POLR1A: variants seen among roughly 807,000 people sequenced by gnomAD.
The protein encoded by POLR1A is DNA-directed RNA polymerase I subunit RPA1.
POLR1A carries 84 observed loss-of-function variants against 205.3 expected under a neutral mutation model. The observed-to-expected ratio is 0.41, with a 90% CI of 0.34 to 0.49. POLR1A has a LOEUF of 0.49. POLR1A is among the 20% of genes least tolerant of loss of function. POLR1A has a pLI of 0.22. For synonymous variants in POLR1A, 799 were observed against 863.7 expected, an observed-to-expected ratio of 0.93 and a Z score of 1.31; for missense variants, 1,645 against 2,204.5, an observed-to-expected ratio of 0.75 and a Z score of 5.08.
At position 86,033,680 on chromosome 2, in the gene POLR1A, C is replaced by T. The variant is rs779711736; in HGVS notation, c.4142G>A (p.Gly1381Glu). 2 of 1,613,750 alleles carry T rather than the reference C, an allele frequency of 1.2e-6. No individual in the cohort carries two copies. Among genetic ancestry groups the T allele is most frequent in the Non-Finnish European group, 1.7e-6 (2 of 1,179,996 alleles). ...RATQRDLDNA[G>E]ELGRSRGEQE... ...ACTCACCCGACTCCTCCCCAACTCC[C>T]CAGCGTTGTCCAGATCCCGCTGTGT... The change falls in exon 28 of 34, where the codon GGG (glycine) becomes GAG (glutamate). Residue 1381 changes from glycine to glutamate, a missense_variant. Physicochemically the swap from Gly to Glu is moderately conservative, Grantham distance 98. This residue lies in a region of POLR1A where 394 missense variants were observed against 468.5 expected (regional missense o/e 0.84). Coordinates refer to ENST00000263857, the MANE Select transcript of POLR1A (RefSeq NM_015425.6).
At chr2:86,091,696 G>C (rs1374107900) in intron 3 of POLR1A, among the ~76,000 whole-genome samples, 1 of 152,194 alleles carries the variant, frequency 6.6e-6, no homozygotes, top group Non-Finnish European at 1.5e-5. Context: ...GAAATTCCTA[G>C]AAACATGTAA....
rs567302655 is a variant in POLR1A at position 86,105,729 on chromosome 2, G to A, written c.48C>T (p.Ser16=). The A allele has an allele frequency of 7.6e-5, 123 of 1,613,964 alleles. No homozygotes were observed. Among genetic ancestry groups the A allele is most frequent in the Non-Finnish European group, 1.0e-4 (118 of 1,179,918 alleles). The change falls in exon 1 of 34, where the codon TCC becomes TCT. Residue 16 remains serine, a synonymous_variant. Transcript: ENST00000263857. The stretch of plus-strand genomic sequence containing the variant: ...GCTCTTCAGCCGAATACATCCCGAA[G>A]GAAATGCCCTGCAGCCGCCGCCAGG... ...NMPWRRLQGI[S]FGMYSAEELK... is the part of the protein sequence containing the mutation.
At chr2:86,057,843 T>C (rs912250125) in intron 14 of POLR1A, among the ~76,000 whole-genome samples, 1 of 152,224 alleles carries the variant, frequency 6.6e-6, no homozygotes, top group Non-Finnish European at 1.5e-5. Context: ...GTCATCTTTT[T>C]GGAGTGATGG....
intron 2 of POLR1A, 140 bp downstream of exon 2, chr2:86,099,828 A>T (rs1332299539): frequency 3.0e-6 from 2 of 668,688 alleles, no homozygotes; most frequent in Non-Finnish European, 5.2e-6. Flanking sequence ...TTGGCTCAAA[A>T]CTTCAAAATC....
intron 14 of POLR1A, among the ~76,000 whole-genome samples, chr2:86,061,559 G>C (rs1672997135): frequency 6.6e-6 from 1 of 152,180 alleles, no homozygotes; most frequent in African/African-American, 2.4e-5. Context: ...TTCAACAAAA[G>C]ATACACACGA....
At chr2:86,032,409 A>T (rs1320399411) in intron 28 of POLR1A, 27 bp from the exon 29 acceptor site, 1 of 1,486,096 alleles carries the variant, frequency 6.7e-7, no homozygotes, top group African/African-American at 1.4e-5. Flanking sequence ...AGGAAGAAAA[A>T]GATTAACTCC....
Position 86,026,106 on chromosome 2 carries a change from C to G in POLR1A, c.*1317G>C, listed in dbSNP as rs1672242480. ...GCTTCTGCATAAAGGCTTCTCCCCT[C>G]TGCTTCTCCTGGCCACAGGGCCAGC... On this transcript the variant is annotated 3_prime_UTR_variant, in exon 34 of 34. Transcript: ENST00000263857. 6.6e-6 allele frequency: 1 copy of G among 152,344 alleles called. No individual in the cohort carries two copies. Among genetic ancestry groups the G allele is most frequent in the African/African-American group, 2.4e-5 (1 of 41,468 alleles). 9.4% of individuals were successfully genotyped at this position (152,344 alleles called of 1,614,324 possible).
chr2:86,054,368 G>C, intron 14 of POLR1A, 79 bp from the exon 15 acceptor site: 1 of 1,495,932 alleles, frequency 6.7e-7, no homozygotes, highest in African/African-American at 1.4e-5. Flanking sequence ...GCAAAAAGAA[G>C]AGTTAAGAAC....
intron 14 of POLR1A, among the ~76,000 whole-genome samples, chr2:86,057,011 T>C (rs1297126593): frequency 6.6e-6 from 1 of 152,254 alleles, no homozygotes; most frequent in Non-Finnish European, 1.5e-5. Context: ...TTTCAAGCCT[T>C]ATTATTTAAG....
chr2:86,074,474 T>G (rs911445885), intron 12 of POLR1A, among the ~76,000 whole-genome samples: 1 of 152,208 alleles, frequency 6.6e-6, no homozygotes, highest in Non-Finnish European at 1.5e-5. Flanking sequence ...GCCACAGAGC[T>G]GTCACCTGCT....
intron 25 of POLR1A, 118 bp from the exon 26 acceptor site, chr2:86,039,580 A>C: frequency 2.9e-5 from 34 of 1,185,594 alleles, no homozygotes; most frequent in Non-Finnish European, 3.7e-5. Context: ...TGGGGATCTC[A>C]CAGGGATAAT....
rs779711736 is a variant in POLR1A at position 86,033,680 on chromosome 2, C to A, written c.4142G>T (p.Gly1381Val). Reference sequence around the variant, plus strand: ...ACTCACCCGACTCCTCCCCAACTCCCCAGCGTTGTCCAGATCCCGCTGTGT... The same window carrying A: ...ACTCACCCGACTCCTCCCCAACTCCACAGCGTTGTCCAGATCCCGCTGTGT... ...RATQRDLDNA[G>V]ELGRSRGEQE... Residue 1381 changes from glycine to valine, a missense_variant, in exon 28 of 34, where the codon GGG becomes GTG. Transcript: ENST00000263857. The A allele has an allele frequency of 7.4e-6, 12 of 1,613,750 alleles. No homozygotes were observed. In the South Asian group the frequency reaches 1.2e-4, roughly 16 times the overall value.
rs576892091 is a variant in POLR1A at position 86,078,263 on chromosome 2, T to C, written c.1108A>G (p.Ile370Val). 21 of 1,578,626 alleles carry C rather than the reference T, an allele frequency of 1.3e-5. No individual in the cohort carries two copies. Among genetic ancestry groups the C allele is most frequent in the African/African-American group, 2.7e-5 (2 of 72,840 alleles). The stretch of plus-strand genomic sequence containing the variant: ...AGTGTACTCAAAAAGGATCGGTCAA[T>C]AGCAATCAAAGAGTCTTTTTCCTGG... Reference protein sequence around the residue: ...TDEEKDSLIAIDRSFLSTLPG... With the variant: ...TDEEKDSLIAVDRSFLSTLPG... The change falls in exon 10 of 34, where the codon ATT becomes GTT. Residue 370 changes from isoleucine to valine, a missense_variant. Transcript: ENST00000263857.
Position 86,080,921 on chromosome 2 carries a change from G to A in POLR1A, c.981C>T (p.Asn327=). 1.2e-6 allele frequency: 2 copies of A among 1,614,104 alleles called. No homozygotes were observed. Among genetic ancestry groups the A allele is most frequent in the Non-Finnish European group, 1.7e-6 (2 of 1,179,944 alleles). ...CTACATCCTTCATGACAGCCTGCAAGTTCACCGTCTGGCCATTAGTAAACA... is the reference window on the plus strand; with the variant it reads ...CTACATCCTTCATGACAGCCTGCAAATTCACCGTCTGGCCATTAGTAAACA... ...DQMFTNGQTV[N]LQAVMKDVVL... The change falls in exon 9 of 34, where the codon AAC becomes AAT. Residue 327 remains asparagine, a synonymous_variant. Coordinates refer to ENST00000263857, the MANE Select transcript of POLR1A (RefSeq NM_015425.6).
rs1672825901 is a variant in POLR1A at position 86,052,734 on chromosome 2, GCT to G, written c.2392+81_2392+82del. ...GCCTTGGAAATCTTCAGTGTGGACG[GCT>G]CTCTCTGTCCTGGGCCTGGGAGATG... On this transcript the variant is annotated intron_variant, in intron 16 of 33. Transcript: ENST00000263857. 6.1e-6 allele frequency: 7 copies of G among 1,145,578 alleles called. No individual in the cohort carries two copies. The South Asian group carries it at 1.1e-4, about 18-fold the overall frequency. The allele number at this position is 1,145,578 out of a possible 1,614,324, so 71.0% of individuals were successfully genotyped here.
chr2:86,040,541 C>T lies in POLR1A; in HGVS notation c.3591G>A (p.Gln1197=), dbSNP rs775457939. ...CACACAGTGAGCGCTGCCACTTCAGCTGCAGCAAGGTCCTCAACCTAGAGA... is the reference window on the plus strand; with the variant it reads ...CACACAGTGAGCGCTGCCACTTCAGTTGCAGCAAGGTCCTCAACCTAGAGA... ...LSLDRLRTLL[Q]LKWQRSLCEP... is the part of the protein sequence containing the mutation. The change falls in exon 25 of 34, where the codon CAG becomes CAA. Residue 1197 remains glutamine, a synonymous_variant. Transcript: ENST00000263857. 3.1e-6 allele frequency: 5 copies of T among 1,588,704 alleles called. No homozygotes were observed. The highest frequency in any genetic ancestry group is 3.5e-5 in the Admixed American group (2 of 57,522).
intron 3 of POLR1A, among the ~76,000 whole-genome samples, chr2:86,093,908 A>C (rs1673655473): frequency 6.6e-6 from 1 of 152,208 alleles, no homozygotes; most frequent in African/African-American, 2.4e-5. Flanking sequence ...CTTTGTTTAG[A>C]ATAGTTCCTT....
intron 13 of POLR1A, among the ~76,000 whole-genome samples, chr2:86,067,549 C>G (rs891143891): frequency 6.6e-6 from 1 of 152,108 alleles, no homozygotes; most frequent in Non-Finnish European, 1.5e-5. Context: ...CGCCACAAAA[C>G]TCTACTAAGT....
intron 13 of POLR1A, among the ~76,000 whole-genome samples, chr2:86,068,357 C>A (rs995878101): frequency 3.2e-5 from 4 of 124,114 alleles, no homozygotes; most frequent in Admixed American, 1.2e-4. Context: ...TCGAGTGGGG[C>A]TAAGAACACG....
Sources: allele counts gnomAD v4.1 joint callset (sites outside exome capture counted in the v4.1 genomes callset), GRCh38; gene constraint gnomAD v4.1.1; regional missense constraint gnomAD v4.1.1; transcripts MANE v1.5; gene names NCBI Gene and HGNC (gene_info 2026-07-23, HGNC 2026-07-21).